Variants in SLC26A4 observed in about 807,000 individuals in gnomAD.
SLC26A4 encodes pendrin.
SLC26A4 carries 93 observed loss-of-function variants against 90.4 expected under a neutral mutation model. The observed-to-expected ratio is 1.03, with a 90% CI of 0.87 to 1.22. The LOEUF is 1.22. Among genes scored for constraint, SLC26A4 ranks in the 50% most tolerant of loss-of-function variants. The pLI is 0.00. For synonymous variants in SLC26A4, 393 were observed against 354.6 expected, an observed-to-expected ratio of 1.11 and a Z score of -1.22; for missense variants, 1,127 against 946.2, an observed-to-expected ratio of 1.19 and a Z score of -2.51.
chr7:107,711,914 C>G (rs1002311701), intron 19 of SLC26A4, among the ~76,000 whole-genome samples: 1 of 152,158 alleles, frequency 6.6e-6, no homozygotes, highest in African/African-American at 2.4e-5. Flanking sequence ...AGCTAAGTAG[C>G]ATTTCAAAAT....
chr7:107,682,130 ATT>A (rs72127521), intron 6 of SLC26A4, among the ~76,000 whole-genome samples: 19,952 of 72,564 alleles, frequency 0.27, 3,049 homozygotes, highest in Non-Finnish European at 0.37. Context: ...AAAAAAAAAA[ATT>A]TTTTTTATGT....
intron 20 of SLC26A4, among the ~76,000 whole-genome samples, chr7:107,715,191 C>T (rs376201813): frequency 8.0e-5 from 12 of 150,112 alleles, no homozygotes; most frequent in African/African-American, 2.0e-4. Context: ...GCTGAGATCA[C>T]GCCACAGCAC....
intron 20 of SLC26A4, 48 bp from the exon 21 acceptor site, chr7:107,715,375 A>G (rs753082846): frequency 1.3e-6 from 2 of 1,494,866 alleles, no homozygotes; most frequent in Non-Finnish European, 1.9e-6. Flanking sequence ...TGCAGACTTA[A>G]GGAGAATTCA....
intron 3 of SLC26A4, 143 bp downstream of exon 3, chr7:107,663,578 C>G: frequency 1.1e-6 from 1 of 890,470 alleles, no homozygotes; most frequent in Admixed American, 2.0e-5. Flanking sequence ...AGAGAGTCAC[C>G]TCTCTTCTCC....
intron 6 of SLC26A4, among the ~76,000 whole-genome samples, 176 bp downstream of exon 6, chr7:107,675,285 TAAA>T (rs60022317): frequency 6.2e-5 from 6 of 96,764 alleles, no homozygotes; most frequent in Admixed American, 1.2e-4. Context: ...CCTCATCTCT[TAAA>T]AAAAAAAAAA....
At chr7:107,673,765 G>C (rs948863287) in intron 4 of SLC26A4, among the ~76,000 whole-genome samples, 5 of 152,072 alleles carry the variant, frequency 3.3e-5, no homozygotes, top group African/African-American at 9.7e-5. Context: ...ATCTGGCTCT[G>C]TCACCTAGGC....
At chr7:107,683,161 T>C (rs1355628950) in intron 6 of SLC26A4, 41 bp from the exon 7 acceptor site, 8 of 1,523,182 alleles carry the variant, frequency 5.3e-6, no homozygotes, top group Non-Finnish European at 7.3e-6. Context: ...CTCGTGTGCG[T>C]GTAGCAGCAG....
At chr7:107,690,374 T>C (rs1014997066) in intron 10 of SLC26A4, 137 bp downstream of exon 10, 15 of 681,394 alleles carry the variant, frequency 2.2e-5, no homozygotes, top group African/African-American at 2.1e-4. Flanking sequence ...CTCAGGCCTA[T>C]TCCTCTTGTT....
chr7:107,680,805 TTG>T (rs1386197518), intron 6 of SLC26A4, among the ~76,000 whole-genome samples: 1 of 152,156 alleles, frequency 6.6e-6, no homozygotes, highest in African/African-American at 2.4e-5. Flanking sequence ...GTAAAAATGT[TTG>T]TGTGATTGGG....
intron 20 of SLC26A4, among the ~76,000 whole-genome samples, chr7:107,715,066 T>TAAAAAAAAAAAAAAAAA (rs543905042): frequency 2.7e-4 from 27 of 98,652 alleles, no homozygotes; most frequent in East Asian, 1.1e-3. Context: ...CCATCTCTAC[T>TAAAAAAAAAAAAAAAAA]AAAAAAAAAA....
chr7:107,661,760 TGCAGGAGCGCAAGACGCTG>T lies in SLC26A4; in HGVS notation c.120_138del (p.Gln41GlyfsTer19). 1 of 1,544,320 alleles carries T rather than the reference TGCAGGAGCGCAAGACGCTG, an allele frequency of 6.5e-7. No individual in the cohort carries two copies. Reference sequence around the variant, plus strand: ...TTCCAGCAACAGCACGAGCGGCGCCTGCAGGAGCGCAAGACGCTGCGGGAGAGCCTGGCCAAGTGCTGCA... The same window carrying T: ...TTCCAGCAACAGCACGAGCGGCGCCTCGGGAGAGCCTGGCCAAGTGCTGCA... On this transcript the variant is annotated frameshift_variant, in exon 2 of 21. Coordinates refer to ENST00000644269, the MANE Select transcript of SLC26A4 (RefSeq NM_000441.2). LOFTEE classifies it high-confidence loss of function. The surrounding 1 kb of genome is among the most constrained non-coding windows in gnomAD (Gnocchi z 5.1).
chr7:107,701,011 C>T, intron 15 of SLC26A4, 90 bp from the exon 16 acceptor site: 1 of 819,920 alleles, frequency 1.2e-6, no homozygotes, highest in South Asian at 1.4e-5. Context: ...GGAATTATAC[C>T]CTTTGAGAAA....
chr7:107,675,352 C>T (rs1447628373), intron 6 of SLC26A4, among the ~76,000 whole-genome samples: 7 of 148,036 alleles, frequency 4.7e-5, no homozygotes, highest in Middle Eastern at 6.4e-3. Flanking sequence ...TCCAAAAATC[C>T]GAAAATTTGC....
chr7:107,690,586 C>T (rs572508679), intron 10 of SLC26A4, among the ~76,000 whole-genome samples: 30 of 152,086 alleles, frequency 2.0e-4, no homozygotes, highest in Non-Finnish European at 2.9e-4. Flanking sequence ...CTGGTAAAAG[C>T]GCTTCCTGGC....
At chr7:107,663,560 C>T in intron 3 of SLC26A4, 125 bp downstream of exon 3, 2 of 1,050,058 alleles carry the variant, frequency 1.9e-6, no homozygotes, top group African/African-American at 1.6e-5. Context: ...TGTAGAGCCC[C>T]TTAGTGGAGA....
chr7:107,691,394 T>C (rs901066087), intron 10 of SLC26A4, among the ~76,000 whole-genome samples: 5 of 151,512 alleles, frequency 3.3e-5, no homozygotes, highest in Non-Finnish European at 7.4e-5. Flanking sequence ...CCCAGCTACT[T>C]GGGAGGCTGA....
intron 8 of SLC26A4, among the ~76,000 whole-genome samples, chr7:107,686,383 T>TACC (rs1791409612): frequency 6.8e-6 from 1 of 147,566 alleles, no homozygotes; most frequent in African/African-American, 2.5e-5. Context: ...CTCCCCTTCC[T>TACC]TCCTTCCTTC....
intron 3 of SLC26A4, among the ~76,000 whole-genome samples, chr7:107,664,054 A>G (rs1790646286): frequency 1.3e-5 from 2 of 152,234 alleles, no homozygotes; most frequent in African/African-American, 4.8e-5. Flanking sequence ...ATTTAAAAAA[A>G]AAAAAGAAAT....
chr7:107,686,312 C>A (rs960293192), intron 8 of SLC26A4, among the ~76,000 whole-genome samples: 3 of 143,402 alleles, frequency 2.1e-5, no homozygotes, highest in Admixed American at 6.9e-5. Context: ...TCCCTTCCCT[C>A]CCTTCCCTCC....
Sources: allele counts gnomAD v4.1 joint callset (sites outside exome capture counted in the v4.1 genomes callset), GRCh38; gene constraint gnomAD v4.1.1; non-coding constraint Gnocchi (gnomAD v3.1); transcripts MANE v1.5; gene names NCBI Gene and HGNC (gene_info 2026-07-23, HGNC 2026-07-21).